The following MRTFA variants were observed in gnomAD, a reference collection of about 807,000 sequenced individuals.
The protein encoded by MRTFA is myocardin-related transcription factor A.
In MRTFA, 20 loss-of-function variants were observed where a neutral mutation model predicts 83.5. The ratio of observed to expected loss-of-function variants is 0.24; its 90% CI spans 0.17 to 0.35. The LOEUF (loss-of-function observed/expected upper bound fraction) is 0.35, where lower values mean the gene tolerates loss of function less well. Ranked by LOEUF, MRTFA falls within the 10% of genes least tolerant of loss-of-function variation. MRTFA has a pLI of 1.00. For missense variants in MRTFA, 1,200 were observed against 1,224.7 expected (o/e 0.98, Z 0.30); for synonymous variants, 659 against 541.2 (o/e 1.22, Z -3.02).
At chr22:40,630,377 GT>G (rs2056629497) in intron 1 of MRTFA, among the ~76,000 whole-genome samples, 1 of 152,086 alleles carries the variant, frequency 6.6e-6, no homozygotes, top group African/African-American at 2.4e-5. Flanking sequence ...GGATGACAGA[GT>G]GAGACTCTGT....
At chr22:40,504,527 TG>T (rs2054548717) in intron 3 of MRTFA, among the ~76,000 whole-genome samples, 1 of 152,156 alleles carries the variant, frequency 6.6e-6, no homozygotes, top group South Asian at 2.1e-4. Flanking sequence ...ACCAGATGAG[TG>T]GTGAAAAACA....
At chr22:40,470,232 TATATATATATATATATATATATATATA>T (rs1194384814) in intron 3 of MRTFA, among the ~76,000 whole-genome samples, 2 of 2,498 alleles carry the variant, frequency 8.0e-4, no homozygotes, top group Non-Finnish European at 1.1e-3. Context: ...TCCAAAATTT[TATATATATATATATATATATATATATA>T]TATATATATA....
chr22:40,436,765 A>G (rs1271258774), intron 4 of MRTFA, among the ~76,000 whole-genome samples: 3 of 152,218 alleles, frequency 2.0e-5, no homozygotes, highest in Admixed American at 1.3e-4. Flanking sequence ...GGTCAGTTTC[A>G]CTTCTCCTGC....
At chr22:40,437,087 T>C (rs2053185492) in intron 4 of MRTFA, among the ~76,000 whole-genome samples, 1 of 152,168 alleles carries the variant, frequency 6.6e-6, no homozygotes, top group East Asian at 1.9e-4. Context: ...TCCCATCTTC[T>C]AACAGAAGGG....
intron 3 of MRTFA, among the ~76,000 whole-genome samples, chr22:40,469,232 T>C (rs2053860215): frequency 6.6e-6 from 1 of 152,124 alleles, no homozygotes; most frequent in Non-Finnish European, 1.5e-5. Flanking sequence ...TGATCCCCAA[T>C]GTTGGAGGCG....
At chr22:40,442,882 G>C (rs572740199) in intron 4 of MRTFA, among the ~76,000 whole-genome samples, 1 of 152,304 alleles carries the variant, frequency 6.6e-6, no homozygotes, top group Admixed American at 6.5e-5. Context: ...ACTACAAGTA[G>C]TTTGATATGG....
Position 40,495,534 on chromosome 22 carries a change from G to C in MRTFA, c.242-32248C>G, listed in dbSNP as rs138262846. The stretch of plus-strand genomic sequence containing the variant: ...AGCACTTTGGGAGGCCGAGGTGAAT[G>C]GAACACTTGAGGTCAGGAGTTTGAG... On this transcript the variant is annotated intron_variant, in intron 3 of 14. Coordinates refer to ENST00000355630, the MANE Select transcript of MRTFA (RefSeq NM_020831.6). Among the ~76,000 whole-genome samples the C allele has an allele frequency of 1.3e-3, 189 of 150,686 alleles. 2 individuals carry two copies. Among genetic ancestry groups the C allele is most frequent in the African/African-American group, 4.4e-3 (181 of 41,020 alleles).
intron 1 of MRTFA, among the ~76,000 whole-genome samples, chr22:40,616,434 C>G (rs133036): frequency 2.0e-5 from 3 of 151,912 alleles, no homozygotes; most frequent in Non-Finnish European, 4.4e-5. Context: ...GAGAGAATGA[C>G]GGACGGAAGA....
intron 3 of MRTFA, among the ~76,000 whole-genome samples, chr22:40,481,511 T>C (rs900816853): frequency 2.0e-4 from 30 of 152,202 alleles, no homozygotes; most frequent in Middle Eastern, 3.4e-3. Flanking sequence ...AAGGTGTACG[T>C]ATTATAATTT....
chr22:40,481,114 TAAC>T (rs1214348126), intron 3 of MRTFA, among the ~76,000 whole-genome samples: 1 of 151,808 alleles, frequency 6.6e-6, no homozygotes, highest in East Asian at 1.9e-4. Context: ...TCTCAAAAAA[TAAC>T]AACAAATACT....
chr22:40,604,103 C>T (rs1221391023), intron 1 of MRTFA, among the ~76,000 whole-genome samples: 3 of 151,364 alleles, frequency 2.0e-5, no homozygotes, highest in Non-Finnish European at 4.4e-5. Flanking sequence ...TCTCCATAAT[C>T]TACCTGAGTA....
At chr22:40,502,901 C>T (rs369173990) in intron 3 of MRTFA, among the ~76,000 whole-genome samples, 16 of 152,344 alleles carry the variant, frequency 1.1e-4, no homozygotes, top group East Asian at 5.8e-4. Context: ...TTAACTGTCA[C>T]GCTTCCAGGA....
chr22:40,602,238 T>C (rs181505293), intron 1 of MRTFA, among the ~76,000 whole-genome samples: 3 of 152,304 alleles, frequency 2.0e-5, no homozygotes, highest in African/African-American at 7.2e-5. Context: ...CAACAAATAT[T>C]TTCCAAGTGA....
At chr22:40,541,775 T>A (rs1432451558) in intron 3 of MRTFA, among the ~76,000 whole-genome samples, 1 of 152,008 alleles carries the variant, frequency 6.6e-6, no homozygotes, top group Non-Finnish European at 1.5e-5. Context: ...CAAGCGATTC[T>A]CTTGCCTCAA....
At chr22:40,609,482 CAAAA>C (rs148106089) in intron 1 of MRTFA, among the ~76,000 whole-genome samples, 6 of 69,714 alleles carry the variant, frequency 8.6e-5, no homozygotes, top group African/African-American at 2.0e-4. Flanking sequence ...GTCTCTTTAA[CAAAA>C]AAAAAAAAAA....
chr22:40,589,987 A>G (rs1443450432), intron 2 of MRTFA, among the ~76,000 whole-genome samples: 1 of 149,732 alleles, frequency 6.7e-6, no homozygotes, highest in East Asian at 2.0e-4. Context: ...GTACCACTGC[A>G]CTCCAGCCTG....
At chr22:40,463,470 G>C in intron 3 of MRTFA, 184 bp from the exon 4 acceptor site, 1 of 556,322 alleles carries the variant, frequency 1.8e-6, no homozygotes, top group Non-Finnish European at 3.2e-6. Context: ...TCCGTATTCT[G>C]CTGTGGGCGG....
At chr22:40,634,633 T>G (rs1424526616) in intron 1 of MRTFA, among the ~76,000 whole-genome samples, 1 of 152,318 alleles carries the variant, frequency 6.6e-6, no homozygotes, top group South Asian at 2.1e-4. Flanking sequence ...CATATCTCAC[T>G]TATCTTGACA....
intron 3 of MRTFA, among the ~76,000 whole-genome samples, chr22:40,530,662 T>C (rs537854092): frequency 6.6e-6 from 1 of 152,372 alleles, no homozygotes; most frequent in Non-Finnish European, 1.5e-5. Context: ...TCCATAGTAG[T>C]GAGAAAAGCT....
Sources: allele counts gnomAD v4.1 joint callset (sites outside exome capture counted in the v4.1 genomes callset), GRCh38; gene constraint gnomAD v4.1.1; transcripts MANE v1.5; gene names NCBI Gene and HGNC (gene_info 2026-07-23, HGNC 2026-07-21).